Variants in TOM1L2 observed in about 807,000 individuals in gnomAD.
The protein encoded by TOM1L2 is target of myb1 like 2 membrane trafficking protein.
TOM1L2 carries 31 observed loss-of-function variants against 67.9 expected under a neutral mutation model. The observed-to-expected ratio is 0.46, with a 90% CI of 0.34 to 0.62. The LOEUF (loss-of-function observed/expected upper bound fraction) is 0.62, where lower values mean the gene tolerates loss of function less well. Ranked by LOEUF, TOM1L2 falls within the 20% of genes least tolerant of loss-of-function variation. TOM1L2 has a pLI of 0.01. For synonymous variants in TOM1L2, 256 were observed against 254.0 expected, an observed-to-expected ratio of 1.01 and a Z score of -0.07; for missense variants, 606 against 663.5, an observed-to-expected ratio of 0.91 and a Z score of 0.95.
At chr17:17,932,201 T>C (rs1243417602) in intron 1 of TOM1L2, among the ~76,000 whole-genome samples, 3 of 152,376 alleles carry the variant, frequency 2.0e-5, no homozygotes, top group South Asian at 2.1e-4. Flanking sequence ...AGAAAATCTA[T>C]GGAAAAAGCT....
chr17:17,846,171 G>A lies in TOM1L2; in HGVS notation c.*1464C>T, dbSNP rs2035634898. On this transcript the variant is annotated 3_prime_UTR_variant, in exon 15 of 15. Coordinates refer to ENST00000379504, the MANE Select transcript of TOM1L2 (RefSeq NM_001082968.2). ...CAAGCCCAGCCCCCTTTCCCTGCTT[G>A]GCTGGTGGTCTGGGCCGTCCTGCCA... 6.6e-6 allele frequency: 1 copy of A among 152,310 alleles called. No homozygotes were observed. Among genetic ancestry groups the A allele is most frequent in the African/African-American group, 2.4e-5 (1 of 41,444 alleles). The allele number at this position is 152,310 out of a possible 1,614,324, so 9.4% of individuals were successfully genotyped here.
chr17:17,954,375 C>T (rs188676020), intron 1 of TOM1L2, among the ~76,000 whole-genome samples: 1 of 147,456 alleles, frequency 6.8e-6, no homozygotes, highest in Admixed American at 6.9e-5. Flanking sequence ...TGCAATGGTG[C>T]AATCTTGGCT....
chr17:17,924,714 G>A (rs1034786281), intron 1 of TOM1L2, among the ~76,000 whole-genome samples: 3 of 152,212 alleles, frequency 2.0e-5, no homozygotes, highest in East Asian at 1.9e-4. Flanking sequence ...GCAGCGAACC[G>A]TGATCACATC....
chr17:17,875,449 A>C (rs1449989206), intron 7 of TOM1L2, among the ~76,000 whole-genome samples: 1 of 152,038 alleles, frequency 6.6e-6, no homozygotes, highest in Non-Finnish European at 1.5e-5. Flanking sequence ...AATCACTCAA[A>C]GTGTGATTCT....
intron 4 of TOM1L2, among the ~76,000 whole-genome samples, chr17:17,891,837 G>A (rs369916789): frequency 1.3e-5 from 2 of 151,736 alleles, no homozygotes; most frequent in African/African-American, 4.8e-5. Flanking sequence ...GAGACAGAGA[G>A]ACAGAAGGAT....
At chr17:17,954,312 C>CT (rs5819638) in intron 1 of TOM1L2, among the ~76,000 whole-genome samples, 65,740 of 134,602 alleles carry the variant, frequency 0.49, 16,989 homozygotes, top group East Asian at 0.85. Context: ...ATAAATCATT[C>CT]TTTTTTTTTT....
At chr17:17,881,235 G>A (rs1387663624) in intron 6 of TOM1L2, among the ~76,000 whole-genome samples, 1 of 152,130 alleles carries the variant, frequency 6.6e-6, no homozygotes, top group East Asian at 1.9e-4. Context: ...GTAGAGAGAA[G>A]AGGTTTCTGG....
chr17:17,862,881 G>C (rs1156333101), intron 10 of TOM1L2, 33 bp from the exon 11 acceptor site: 21 of 1,363,398 alleles, frequency 1.5e-5, no homozygotes, highest in Non-Finnish European at 2.1e-5. Flanking sequence ...TGGCAGATGA[G>C]AACAAAATGT....
chr17:17,890,315 CA>C (rs975685134), intron 4 of TOM1L2, among the ~76,000 whole-genome samples: 17 of 152,126 alleles, frequency 1.1e-4, no homozygotes, highest in Non-Finnish European at 2.1e-4. Context: ...CACCACACAG[CA>C]ACCTCACACC....
chr17:17,854,691 AT>A (rs879696462), intron 12 of TOM1L2, among the ~76,000 whole-genome samples: 2,360 of 142,240 alleles, frequency 0.017, 38 homozygotes, highest in East Asian at 0.067. Flanking sequence ...CACCTGCCTA[AT>A]TTTTTTTTTT....
At position 17,940,580 on chromosome 17, in the gene TOM1L2, A is replaced by G. The variant is rs115189547; in HGVS notation, c.52+31682T>C. On this transcript the variant is annotated intron_variant, in intron 1 of 14. Coordinates refer to ENST00000379504, the MANE Select transcript of TOM1L2 (RefSeq NM_001082968.2). ...GGGAAGAAATGAGCTGTGACTCCTG[A>G]ACAAAGAGCAGGAATAAGGTAAGCC... Among the ~76,000 whole-genome samples the G allele has an allele frequency of 3.1e-3, 466 of 152,306 alleles. 4 individuals carry two copies. The highest frequency in any genetic ancestry group is 0.011 in the African/African-American group (437 of 41,562).
At chr17:17,933,026 C>T (rs1417893393) in intron 1 of TOM1L2, among the ~76,000 whole-genome samples, 2 of 152,090 alleles carry the variant, frequency 1.3e-5, no homozygotes, top group African/African-American at 2.4e-5. Flanking sequence ...AACTAACAGT[C>T]GTTTAAACAG....
intron 3 of TOM1L2, 81 bp downstream of exon 3, chr17:17,898,514 AG>A: frequency 7.0e-7 from 1 of 1,428,146 alleles, no homozygotes. Flanking sequence ...AAGTGGGCAG[AG>A]GGAAGGCCCT....
At chr17:17,897,922 C>CTTTTT (rs35600233) in intron 3 of TOM1L2, among the ~76,000 whole-genome samples, 3 of 133,652 alleles carry the variant, frequency 2.2e-5, no homozygotes, top group Non-Finnish European at 3.3e-5. Flanking sequence ...TGGAAGTTAA[C>CTTTTT]TTTTTTTTTT....
intron 1 of TOM1L2, among the ~76,000 whole-genome samples, chr17:17,971,633 G>A (rs1038703411): frequency 6.6e-6 from 1 of 151,540 alleles, no homozygotes; most frequent in Admixed American, 6.5e-5. Flanking sequence ...CCCACAAAGG[G>A]TTTGGGAGAA....
intron 1 of TOM1L2, among the ~76,000 whole-genome samples, chr17:17,962,233 A>T (rs78316700): frequency 2.4e-5 from 1 of 41,780 alleles, no homozygotes; most frequent in African/African-American, 1.2e-4. Flanking sequence ...GGTAGTTGCC[A>T]GGGGCTGGGG....
intron 13 of TOM1L2, among the ~76,000 whole-genome samples, chr17:17,850,419 A>T (rs114119595): frequency 0.026 from 3,879 of 152,060 alleles, 130 homozygotes; most frequent in African/African-American, 0.08. Context: ...AAAATCAGGA[A>T]GGGAGGAGGG....
intron 1 of TOM1L2, among the ~76,000 whole-genome samples, chr17:17,967,805 G>C (rs2041924834): frequency 6.6e-6 from 1 of 151,936 alleles, no homozygotes; most frequent in Non-Finnish European, 1.5e-5. Flanking sequence ...ATGGGGTTTT[G>C]CCACATTAAC....
At chr17:17,897,809 C>CG (rs900617171) in intron 3 of TOM1L2, among the ~76,000 whole-genome samples, 5 of 152,022 alleles carry the variant, frequency 3.3e-5, no homozygotes, top group African/African-American at 1.2e-4. Context: ...ATCATCTGTA[C>CG]GGGGGAGGAT....
Sources: allele counts gnomAD v4.1 joint callset (sites outside exome capture counted in the v4.1 genomes callset), GRCh38; gene constraint gnomAD v4.1.1; transcripts MANE v1.5; gene names NCBI Gene and HGNC (gene_info 2026-07-23, HGNC 2026-07-21).